MAD1L1: variants seen among roughly 807,000 people sequenced by gnomAD.
MAD1L1 encodes the protein mitotic arrest deficient 1 like 1.
In MAD1L1, 95 loss-of-function variants were observed where a neutral mutation model predicts 96.9. The observed-to-expected ratio is 0.98, with a 90% CI of 0.83 to 1.16. The LOEUF (loss-of-function observed/expected upper bound fraction) is 1.16, where lower values mean the gene tolerates loss of function less well. Ranked by LOEUF, MAD1L1 falls within the 50% of genes most tolerant of loss-of-function variation. The pLI, the probability that MAD1L1 is intolerant of heterozygous loss-of-function variation, is 0.00. For missense variants in MAD1L1, 1,007 were observed against 954.4 expected (o/e 1.06, Z -0.73); for synonymous variants, 473 against 396.6 (o/e 1.19, Z -2.29).
intron 14 of MAD1L1, among the ~76,000 whole-genome samples, chr7:1,983,120 A>C (rs916557836): frequency 2.5e-4 from 37 of 149,854 alleles, no homozygotes; most frequent in Non-Finnish European, 3.4e-4. Flanking sequence ...ACACACGCAC[A>C]CACACCCACA....
At chr7:2,032,767 T>A (rs1273126769) in intron 12 of MAD1L1, among the ~76,000 whole-genome samples, 1 of 151,826 alleles carries the variant, frequency 6.6e-6, no homozygotes, top group Non-Finnish European at 1.5e-5. Flanking sequence ...TAGCAAGTGG[T>A]GAGGGGGGTG....
At chr7:1,957,020 T>C (rs1779756778) in intron 16 of MAD1L1, among the ~76,000 whole-genome samples, 1 of 152,170 alleles carries the variant, frequency 6.6e-6, no homozygotes, top group Non-Finnish European at 1.5e-5. Flanking sequence ...ACGCAGAGCC[T>C]CTGGTGGGCG....
chr7:1,934,645 C>A (rs1445512954), intron 17 of MAD1L1, among the ~76,000 whole-genome samples: 1 of 150,058 alleles, frequency 6.7e-6, no homozygotes, highest in Non-Finnish European at 1.5e-5. Flanking sequence ...CCGAGACAGG[C>A]AGACACCCAG....
At chr7:2,125,008 TCCTGCTCTGCATCCCGGGCCCCTTC>T (rs917017498) in intron 11 of MAD1L1, among the ~76,000 whole-genome samples, 1 of 152,102 alleles carries the variant, frequency 6.6e-6, no homozygotes, top group Non-Finnish European at 1.5e-5. Context: ...TGCAGGTGGT[TCCTGCTCTGCATCCCGGGCCCCTTC>T]CCTGCTGGGC....
chr7:1,890,983 G>A (rs140768474), intron 18 of MAD1L1, among the ~76,000 whole-genome samples: 113 of 152,250 alleles, frequency 7.4e-4, no homozygotes, highest in Admixed American at 4.6e-3. Context: ...GGCTCTGTGC[G>A]GGACCTCGGC....
rs1562647940 is a variant in MAD1L1 at position 2,060,205 on chromosome 7, AGATGCCAAGTTACGCC to A, written c.1218+8973_1218+8988del. 9.1e-5 allele frequency among the ~76,000 whole-genome samples: 13 copies of A among 142,454 alleles called. No individual in the cohort carries two copies. The East Asian group carries it at 2.1e-3, about 23-fold the overall frequency. The allele number at this position is 142,454 out of a possible 152,430, so 93.5% of individuals were successfully genotyped here. On this transcript the variant is annotated intron_variant, in intron 12 of 18. Transcript: ENST00000265854. ...GAGATACACCGATGCCAAGATACGC[AGATGCCAAGTTACGCC>A]GATGCCGAGATACGCCGATGCCGAG... is the stretch of plus-strand genomic sequence containing the variant.
intron 12 of MAD1L1, among the ~76,000 whole-genome samples, chr7:2,058,775 T>C (rs1472447591): frequency 2.5e-4 from 21 of 84,294 alleles, no homozygotes; most frequent in African/African-American, 9.5e-4. Context: ...GGAGAGGGAG[T>C]GTGGCCAGAG....
intron 12 of MAD1L1, among the ~76,000 whole-genome samples, chr7:2,068,058 A>T (rs905853154): frequency 3.9e-5 from 6 of 152,238 alleles, no homozygotes; most frequent in Non-Finnish European, 7.3e-5. Context: ...ACCGTGCCTG[A>T]CCATGCAGCA....
At chr7:1,874,361 T>A (rs1785265810) in intron 18 of MAD1L1, 2 of 362,852 alleles carry the variant, frequency 5.5e-6, no homozygotes, top group South Asian at 4.2e-5. Context: ...CAGGGAAGCG[T>A]CTCAGGAGGA....
rs567894665 is a variant in MAD1L1, at chr7:2,186,616, A to C, written c.986+26596T>G. On this transcript the variant is annotated intron_variant, in intron 10 of 18. Transcript: ENST00000265854. ...TTCTTTGTAGTGAGGATGGATTTAC[A>C]TTATCCTGTACAATATTTTTGAAAA... 9.9e-5 allele frequency among the ~76,000 whole-genome samples: 15 copies of C among 152,266 alleles called. No homozygotes were observed. The East Asian group carries it at 2.7e-3, about 27-fold the overall frequency.
chr7:2,125,707 C>T (rs996937779), intron 11 of MAD1L1, among the ~76,000 whole-genome samples: 2 of 152,188 alleles, frequency 1.3e-5, no homozygotes, highest in South Asian at 2.1e-4. Context: ...CCAAGCAGCA[C>T]GAGTGCTCCA....
intron 16 of MAD1L1, among the ~76,000 whole-genome samples, chr7:1,941,784 C>T (rs1779012500): frequency 6.6e-6 from 1 of 152,230 alleles, no homozygotes. Context: ...GCGATGGCAC[C>T]GCTGACCAGG....
At chr7:2,140,776 G>C (rs1294056231) in intron 11 of MAD1L1, among the ~76,000 whole-genome samples, 1 of 152,230 alleles carries the variant, frequency 6.6e-6, no homozygotes, top group Non-Finnish European at 1.5e-5. Context: ...GGACCCACTG[G>C]CTTCTGGAAC....
At chr7:1,892,386 A>G (rs190548729) in intron 18 of MAD1L1, among the ~76,000 whole-genome samples, 4 of 152,268 alleles carry the variant, frequency 2.6e-5, no homozygotes, top group East Asian at 1.9e-4. Context: ...ACACATATAC[A>G]CACAGGTGAG....
At chr7:1,879,362 G>A (rs1380387140) in intron 18 of MAD1L1, among the ~76,000 whole-genome samples, 3 of 151,552 alleles carry the variant, frequency 2.0e-5, no homozygotes, top group Non-Finnish European at 2.9e-5. Flanking sequence ...GGCTGAGGCA[G>A]GAGAATCGCT....
At chr7:1,856,393 T>C (rs1040307296) in intron 18 of MAD1L1, among the ~76,000 whole-genome samples, 1 of 152,214 alleles carries the variant, frequency 6.6e-6, no homozygotes, top group East Asian at 1.9e-4. Flanking sequence ...GGCCAGCCTC[T>C]GTGGGGGCCC....
chr7:2,219,210 G>T, intron 6 of MAD1L1, 122 bp downstream of exon 6: 1 of 947,954 alleles, frequency 1.1e-6, no homozygotes, highest in Non-Finnish European at 1.6e-6. Context: ...CCTCTTGAGT[G>T]TCTGTGAATT....
intron 11 of MAD1L1, among the ~76,000 whole-genome samples, chr7:2,096,242 ACACAAGGG>A (rs1299849280): frequency 6.6e-6 from 1 of 152,200 alleles, no homozygotes; most frequent in Non-Finnish European, 1.5e-5. Flanking sequence ...TCCTCGTCGG[ACACAAGGG>A]CTCCCAGGAG....
At chr7:1,853,883 C>T (rs1245490552) in intron 18 of MAD1L1, among the ~76,000 whole-genome samples, 1 of 152,192 alleles carries the variant, frequency 6.6e-6, no homozygotes, top group East Asian at 1.9e-4. Context: ...GACAGGTGGA[C>T]TCTCGGCCCT....
Sources: allele counts gnomAD v4.1 joint callset (sites outside exome capture counted in the v4.1 genomes callset), GRCh38; gene constraint gnomAD v4.1.1; transcripts MANE v1.5; gene names NCBI Gene and HGNC (gene_info 2026-07-23, HGNC 2026-07-21).